The following CENPC variants were observed in gnomAD, a reference collection of about 807,000 sequenced individuals.
The protein encoded by CENPC is centromere protein C.
CENPC carries 63 observed loss-of-function variants against 112.1 expected under a neutral mutation model. The observed-to-expected ratio is 0.56, with a 90% CI of 0.46 to 0.69. The LOEUF (loss-of-function observed/expected upper bound fraction) is 0.69. CENPC is among the 30% of genes least tolerant of loss of function. The pLI is 0.00. For missense variants in CENPC, 1,000 were observed against 1,103.8 expected, an observed-to-expected ratio of 0.91 and a Z score of 1.33; for synonymous variants, 333 against 367.6, an observed-to-expected ratio of 0.91 and a Z score of 1.08.
intron 4 of CENPC, among the ~76,000 whole-genome samples, chr4:67,537,102 T>C (rs1726742977): frequency 6.7e-6 from 1 of 149,730 alleles, no homozygotes; most frequent in Admixed American, 6.7e-5. Flanking sequence ...CTGTAGATCC[T>C]ACAGACATTA....
intron 12 of CENPC, among the ~76,000 whole-genome samples, chr4:67,496,452 A>G (rs1408905930): frequency 1.3e-5 from 2 of 152,244 alleles, no homozygotes; most frequent in African/African-American, 4.8e-5. Context: ...CACAATGTCC[A>G]TGAACCACCT....
intron 4 of CENPC, among the ~76,000 whole-genome samples, chr4:67,536,666 GA>G (rs540175996): frequency 1.1e-4 from 16 of 147,928 alleles, no homozygotes; most frequent in South Asian, 8.5e-4. Flanking sequence ...GGCCCTACCT[GA>G]AAAAAAAACC....
At chr4:67,489,516 T>A (rs893274618) in intron 17 of CENPC, among the ~76,000 whole-genome samples, 147 of 152,194 alleles carry the variant, frequency 9.7e-4, no homozygotes, top group African/African-American at 3.4e-3. Context: ...TATAAAAATT[T>A]TACATGGTAC....
At position 67,471,186 on chromosome 4, in the gene CENPC, C is replaced by A. The variant is rs1456923648; in HGVS notation, c.*1419G>T. 6.6e-6 allele frequency: 1 copy of A among 152,092 alleles called. No homozygotes were observed. The highest frequency in any genetic ancestry group is 1.5e-5 in the Non-Finnish European group (1 of 68,034). The allele number at this position is 152,092 out of a possible 1,614,324, so 9.4% of individuals were successfully genotyped here. ...TAAGCTATGCAGACACAGGAACTAC[C>A]CCTAGCAAGCAAGAATAAATATTGA... On this transcript the variant is annotated 3_prime_UTR_variant, in exon 19 of 19. Coordinates refer to ENST00000273853, the MANE Select transcript of CENPC (RefSeq NM_001812.4).
chr4:67,535,682 C>A (rs1040628506), intron 4 of CENPC, among the ~76,000 whole-genome samples: 1 of 152,010 alleles, frequency 6.6e-6, no homozygotes, highest in Non-Finnish European at 1.5e-5. Context: ...CATAATAATA[C>A]CATAAACACT....
Position 67,509,041 on chromosome 4 carries a change from T to C in CENPC, c.1677A>G (p.Lys559=). The change falls in exon 10 of 19, where the codon AAA becomes AAG. Residue 559 remains lysine, a synonymous_variant. Transcript: ENST00000273853. ...ELPMHHNSSR[K]STKKTNQSSK... is the part of the protein sequence containing the mutation. ...ATGACTGATTTGTTTTCTTAGTAGA[T>C]TTTCGGCTACTATTGTGATGCATTG... 6.2e-7 allele frequency: 1 copy of C among 1,612,228 alleles called. No homozygotes were observed. The highest frequency in any genetic ancestry group is 8.5e-7 in the Non-Finnish European group (1 of 1,179,218).
intron 12 of CENPC, among the ~76,000 whole-genome samples, chr4:67,497,907 C>T (rs1560426495): frequency 6.6e-6 from 1 of 151,742 alleles, no homozygotes. Context: ...TGTACATATA[C>T]CTTAATTTAA....
chr4:67,487,498 T>C (rs1482127213), intron 17 of CENPC, among the ~76,000 whole-genome samples: 1 of 151,778 alleles, frequency 6.6e-6, no homozygotes, highest in Non-Finnish European at 1.5e-5. Flanking sequence ...AGTAGTTTGC[T>C]ATCGATTCCA....
At chr4:67,526,694 A>C (rs919540579) in intron 5 of CENPC, among the ~76,000 whole-genome samples, 1 of 152,142 alleles carries the variant, frequency 6.6e-6, no homozygotes, top group Non-Finnish European at 1.5e-5. Context: ...AAAACCATAC[A>C]AACACAGCAT....
chr4:67,498,557 A>G lies in CENPC; in HGVS notation c.2132-3345T>C, dbSNP rs962048159. Among the ~76,000 whole-genome samples, 3 of 152,246 alleles carry G rather than the reference A, an allele frequency of 2.0e-5. No individual in the cohort carries two copies. In the South Asian group the frequency reaches 6.2e-4, roughly 31 times the overall value. On this transcript the variant is annotated intron_variant, in intron 12 of 18. Transcript: ENST00000273853. ...TTTTGTCATTTCAAGGGTTCACAAC[A>G]TATTCACCAGGAGTAGATTCCAACT...
intron 17 of CENPC, among the ~76,000 whole-genome samples, chr4:67,477,845 A>G (rs1724847012): frequency 6.6e-6 from 1 of 152,180 alleles, no homozygotes; most frequent in South Asian, 2.1e-4. Flanking sequence ...AGAAATAGAT[A>G]GCATAAATAA....
intron 5 of CENPC, among the ~76,000 whole-genome samples, chr4:67,528,919 A>G (rs1560440935): frequency 1.3e-5 from 2 of 152,080 alleles, no homozygotes; most frequent in Admixed American, 6.6e-5. Context: ...TGGCTGCACC[A>G]TTTTACATTC....
intron 11 of CENPC, 70 bp from the exon 12 acceptor site, chr4:67,505,354 G>C (rs1725705158): frequency 1.1e-6 from 1 of 924,728 alleles, no homozygotes; most frequent in East Asian, 2.7e-5. Flanking sequence ...TTGCCTTAAT[G>C]ATCATTTTTC....
rs1577966436 is a variant in CENPC, at chr4:67,471,980, T to C, written c.*625A>G. On this transcript the variant is annotated 3_prime_UTR_variant, in exon 19 of 19. Coordinates refer to ENST00000273853, the MANE Select transcript of CENPC (RefSeq NM_001812.4). Reference sequence around the variant, plus strand: ...TGAGAATACCATGTGATAATGCAAGTAGATTGAAATGCTACCGGTGCAAGC... The same window carrying C: ...TGAGAATACCATGTGATAATGCAAGCAGATTGAAATGCTACCGGTGCAAGC... 1.3e-5 allele frequency: 2 copies of C among 152,328 alleles called. No homozygotes were observed. The highest frequency in any genetic ancestry group is 2.4e-5 in the African/African-American group (1 of 41,560). 9.4% of individuals were successfully genotyped at this position (152,328 alleles called of 1,614,324 possible).
chr4:67,503,782 C>A (rs1459805849), intron 12 of CENPC, among the ~76,000 whole-genome samples: 1 of 151,572 alleles, frequency 6.6e-6, no homozygotes, highest in Non-Finnish European at 1.5e-5. Context: ...ACACTAGACA[C>A]TAGAACACAA....
chr4:67,474,899 T>C lies in CENPC; in HGVS notation c.2750A>G (p.Tyr917Cys), dbSNP rs376889812. 9.6e-5 allele frequency: 150 copies of C among 1,569,208 alleles called. No individual in the cohort carries two copies. Among genetic ancestry groups the C allele is most frequent in the South Asian group, 1.8e-4 (15 of 85,486 alleles). The stretch of plus-strand genomic sequence containing the variant: ...ATAAATTGTCTTACCTGAAGGAACA[T>C]AGAACGAATCCCCAGTACTTAATAT... The part of the protein sequence containing the change: ...PYILSTGDSF[Y>C]VPSGNYYNIK... Residue 917 changes from tyrosine to cysteine, a missense_variant, in exon 18 of 19, where the codon TAT (tyrosine) becomes TGT (cysteine). Coordinates refer to ENST00000273853, the MANE Select transcript of CENPC (RefSeq NM_001812.4).
At chr4:67,488,461 C>G (rs1424013188) in intron 17 of CENPC, among the ~76,000 whole-genome samples, 2 of 151,942 alleles carry the variant, frequency 1.3e-5, no homozygotes, top group Non-Finnish European at 2.9e-5. Flanking sequence ...AAATTACTTC[C>G]CTGGGAAAAA....
chr4:67,515,497 G>A lies in CENPC; in HGVS notation c.831-810C>T, dbSNP rs147620505. Among the ~76,000 whole-genome samples, 146 of 151,498 alleles carry A rather than the reference G, an allele frequency of 9.6e-4. 2 individuals carry two copies. In the East Asian group the frequency reaches 0.026, roughly 27 times the overall value. Reference sequence around the variant, plus strand: ...AAAAAAAAAAAGAGAGAGAGAGAGAGATTGGGGACAATTTCTTCCTATCTT... The same window carrying A: ...AAAAAAAAAAAGAGAGAGAGAGAGAAATTGGGGACAATTTCTTCCTATCTT... On this transcript the variant is annotated intron_variant, in intron 7 of 18. Transcript: ENST00000273853.
chr4:67,538,777 T>A (rs965488962), intron 4 of CENPC, among the ~76,000 whole-genome samples: 10 of 152,174 alleles, frequency 6.6e-5, no homozygotes, highest in Non-Finnish European at 1.2e-4. Flanking sequence ...CCTAGAATAA[T>A]CTACCAGCCA....
Sources: allele counts gnomAD v4.1 joint callset (sites outside exome capture counted in the v4.1 genomes callset), GRCh38; gene constraint gnomAD v4.1.1; transcripts MANE v1.5; gene names NCBI Gene and HGNC (gene_info 2026-07-23, HGNC 2026-07-21).